TUSC3: variants seen among roughly 807,000 people sequenced by gnomAD.
TUSC3 encodes tumor suppressor candidate 3.
In TUSC3, 45 loss-of-function variants were observed where a neutral mutation model predicts 44.8. The observed-to-expected ratio is 1.00, with a 90% confidence interval of 0.79 to 1.29. TUSC3 has a LOEUF of 1.29. Among genes scored for constraint, TUSC3 ranks in the 50% most tolerant of loss-of-function variants. The probability of loss-of-function intolerance (pLI) is 0.00; values close to 1 mark genes in which losing one functional copy is unlikely to be tolerated. For missense variants in TUSC3, 519 were observed against 437.9 expected (o/e 1.19, Z -1.65); for synonymous variants, 212 against 152.9 (o/e 1.39, Z -2.85).
chr8:15,610,975 A>C (rs1422183335), intron 1 of TUSC3, among the ~76,000 whole-genome samples: 1 of 152,192 alleles, frequency 6.6e-6, no homozygotes, highest in Non-Finnish European at 1.5e-5. Context: ...ACTTAATTGA[A>C]TATTGTAGTA....
chr8:15,511,144 C>G (rs2129128195), intron 2 of TUSC3, among the ~76,000 whole-genome samples: 1 of 152,186 alleles, frequency 6.6e-6, no homozygotes, highest in Non-Finnish European at 1.5e-5. Context: ...ATGGTGAAAA[C>G]ATGAATGCTT....
chr8:15,782,591 C>G, the TUSC3 span, among the ~76,000 whole-genome samples: 1 of 152,134 alleles, frequency 6.6e-6, no homozygotes, highest in Admixed American at 6.5e-5. Context: ...ATGCACAAAT[C>G]CATAAATATA....
chr8:15,592,328 T>C (rs1053328410), intron 1 of TUSC3, among the ~76,000 whole-genome samples: 2 of 152,234 alleles, frequency 1.3e-5, no homozygotes, highest in Non-Finnish European at 2.9e-5. Flanking sequence ...GCTTTTTCTG[T>C]GTGAATAGCA....
intron 2 of TUSC3, among the ~76,000 whole-genome samples, chr8:15,491,092 T>C (rs1456020171): frequency 6.6e-6 from 1 of 152,216 alleles, no homozygotes; most frequent in East Asian, 1.9e-4. Context: ...TAGTCACAGA[T>C]GCATTTGTCT....
At chr8:15,609,817 A>G (rs569768814) in intron 1 of TUSC3, among the ~76,000 whole-genome samples, 4 of 152,182 alleles carry the variant, frequency 2.6e-5, no homozygotes, top group Non-Finnish European at 5.9e-5. Context: ...AACCAAAAAA[A>G]GGCCATTTTC....
chr8:15,837,065 G>C, the TUSC3 span, among the ~76,000 whole-genome samples: 4 of 151,976 alleles, frequency 2.6e-5, no homozygotes, highest in Non-Finnish European at 5.9e-5. Flanking sequence ...AGATTCTTAA[G>C]TCACTGCTTA....
chr8:15,445,036 G>GA (rs1423304179), intron 1 of TUSC3, among the ~76,000 whole-genome samples: 1 of 151,964 alleles, frequency 6.6e-6, no homozygotes, highest in Non-Finnish European at 1.5e-5. Context: ...GGCAATGGAG[G>GA]AAAAAAAGCA....
intron 6 of TUSC3, among the ~76,000 whole-genome samples, chr8:15,725,157 A>G (rs2129205796): frequency 6.6e-6 from 1 of 152,312 alleles, no homozygotes; most frequent in South Asian, 2.1e-4. Context: ...TTTTTTTAGT[A>G]AGGATTATAT....
Position 15,754,854 on chromosome 8 carries a change from T to G in TUSC3, c.1029-2937T>G, listed in dbSNP as rs188024550. On this transcript the variant is annotated intron_variant, in intron 9 of 10. Coordinates refer to ENST00000503731, the MANE Select transcript of TUSC3 (RefSeq NM_006765.4). ...TATTTAAAATACAGTCCTTAAGTTCTTCTATCTGAAGTGATCCTGTTCGGC... is the reference window on the plus strand; with the variant it reads ...TATTTAAAATACAGTCCTTAAGTTCGTCTATCTGAAGTGATCCTGTTCGGC... Among the ~76,000 whole-genome samples the G allele has an allele frequency of 1.1e-4, 16 of 152,244 alleles. No individual in the cohort carries two copies. The East Asian group carries it at 2.5e-3, about 24-fold the overall frequency.
chr8:15,523,262 G>A (rs1179505053), intron 2 of TUSC3, among the ~76,000 whole-genome samples: 2 of 152,106 alleles, frequency 1.3e-5, no homozygotes, highest in Admixed American at 1.3e-4. Flanking sequence ...TGAAGGAAGT[G>A]GTCACCAAAA....
At chr8:15,424,530 C>T (rs1799780684) in intron 1 of TUSC3, among the ~76,000 whole-genome samples, 1 of 152,198 alleles carries the variant, frequency 6.6e-6, no homozygotes, top group Non-Finnish European at 1.5e-5. Flanking sequence ...GACATCTGCC[C>T]ACCGCAGCAG....
chr8:15,456,411 C>G (rs183439886), intron 1 of TUSC3, among the ~76,000 whole-genome samples: 1 of 151,962 alleles, frequency 6.6e-6, no homozygotes, highest in Non-Finnish European at 1.5e-5. Context: ...AAATAAAAGA[C>G]CAATTTAAAA....
intron 2 of TUSC3, among the ~76,000 whole-genome samples, chr8:15,634,733 A>C (rs1351460970): frequency 6.6e-6 from 1 of 152,172 alleles, no homozygotes; most frequent in Non-Finnish European, 1.5e-5. Flanking sequence ...TCATCTTCAC[A>C]TACTAGAATT....
intron 7 of TUSC3, among the ~76,000 whole-genome samples, chr8:15,740,402 A>C (rs1472887642): frequency 3.3e-5 from 5 of 152,196 alleles, no homozygotes; most frequent in Non-Finnish European, 7.3e-5. Flanking sequence ...AGAATAATTT[A>C]AAATACAAAT....
chr8:15,595,201 CT>C (rs1335741998), intron 1 of TUSC3, among the ~76,000 whole-genome samples: 1 of 152,174 alleles, frequency 6.6e-6, no homozygotes, highest in African/African-American at 2.4e-5. Flanking sequence ...TCTCATTATA[CT>C]TTCAGATAGA....
chr8:15,640,264 C>T (rs1289341825), intron 2 of TUSC3, among the ~76,000 whole-genome samples: 4 of 152,202 alleles, frequency 2.6e-5, no homozygotes, highest in South Asian at 2.1e-4. Flanking sequence ...CGTGTCACAA[C>T]GGAATTGATC....
chr8:15,621,199 A>G (rs1805229588), intron 1 of TUSC3, among the ~76,000 whole-genome samples: 1 of 151,778 alleles, frequency 6.6e-6, no homozygotes, highest in Non-Finnish European at 1.5e-5. Context: ...ATTATTTTAA[A>G]ATGTTTTCAA....
At chr8:15,742,632 T>C (rs987186209) in intron 7 of TUSC3, among the ~76,000 whole-genome samples, 1 of 152,200 alleles carries the variant, frequency 6.6e-6, no homozygotes, top group African/African-American at 2.4e-5. Flanking sequence ...TGATGCTGTT[T>C]ATACACAAAT....
intron 2 of TUSC3, among the ~76,000 whole-genome samples, chr8:15,512,068 A>G (rs1462627686): frequency 6.6e-6 from 1 of 152,222 alleles, no homozygotes; most frequent in Non-Finnish European, 1.5e-5. Flanking sequence ...ACACCTTTGA[A>G]AAAGAGGAAC....
Sources: allele counts gnomAD v4.1 joint callset (sites outside exome capture counted in the v4.1 genomes callset), GRCh38; gene constraint gnomAD v4.1.1; transcripts MANE v1.5; gene names NCBI Gene and HGNC (gene_info 2026-07-23, HGNC 2026-07-21).